Variants in NFKBIZ observed in about 807,000 individuals in gnomAD.
NFKBIZ encodes the protein NFKB inhibitor zeta.
Under a neutral mutation model 76.8 loss-of-function variants are expected in NFKBIZ, and 19 were observed. That is an observed-to-expected ratio of 0.25 (90% CI 0.17 to 0.36). The LOEUF is 0.36. Among genes scored for constraint, NFKBIZ ranks in the 10% least tolerant of loss-of-function variants. The pLI, the probability that NFKBIZ is intolerant of heterozygous loss-of-function variation, is 1.00. For synonymous variants in NFKBIZ, 368 were observed against 354.8 expected (o/e 1.04, Z -0.42); for missense variants, 829 against 910.9 (o/e 0.91, Z 1.16).
At chr3:101,832,227 A>G (rs995484445) in intron 2 of NFKBIZ, among the ~76,000 whole-genome samples, 20 of 152,142 alleles carry the variant, frequency 1.3e-4, no homozygotes, top group African/African-American at 4.3e-4. Context: ...GTGAGCCACC[A>G]TGCCTGGCTT....
In NFKBIZ at chr3:101,854,575, C is replaced by T. The variant is rs1312984601; in HGVS notation, c.1338-3C>T. ...CACCCGCTTTCCTTTCCATGTTCCC[C>T]AGGTTCCTTCATATTGCTGTTGCCC... On this transcript the variant is annotated splice_polypyrimidine_tract_variant and splice_region_variant and intron_variant, in intron 5 of 11. Transcript: ENST00000326172. 1 of 1,598,982 alleles carries T rather than the reference C, an allele frequency of 6.3e-7. No individual in the cohort carries two copies. Among genetic ancestry groups the T allele is most frequent in the Admixed American group, 1.7e-5 (1 of 59,710 alleles).
chr3:101,839,692 G>A (rs955431643), intron 2 of NFKBIZ, among the ~76,000 whole-genome samples: 1 of 152,086 alleles, frequency 6.6e-6, no homozygotes, highest in Admixed American at 6.5e-5. Context: ...AGGGTCTTTC[G>A]TCAAAAATTT....
chr3:101,842,557 TTTTTTC>T lies in NFKBIZ; in HGVS notation c.-11-9516_-11-9511del, dbSNP rs1942797984. Among the ~76,000 whole-genome samples, 5 of 152,180 alleles carry T rather than the reference TTTTTTC, an allele frequency of 3.3e-5. 1 individual carries two copies. Among genetic ancestry groups the T allele is most frequent in the Admixed American group, 3.3e-4 (5 of 15,288 alleles). ...AACATTATGAGATTCTTTTGTGATG[TTTTTTC>T]TTTTTCTTTTTTCATTTTCTTTTCT... On this transcript the variant is annotated intron_variant, in intron 2 of 12. Coordinates refer to the NFKBIZ transcript ENST00000394054.
At chr3:101,838,953 A>G (rs1052427530) in intron 2 of NFKBIZ, among the ~76,000 whole-genome samples, 6 of 152,166 alleles carry the variant, frequency 3.9e-5, no homozygotes, top group Non-Finnish European at 7.4e-5. Flanking sequence ...TGTGTATATA[A>G]AGTACATAGT....
chr3:101,853,318 T>G lies in NFKBIZ; in HGVS notation c.792T>G (p.Ser264=), dbSNP rs1942998922. ...CQDFHGGQVF[S]PPQKCQPFQV... ...ACTTCCATGGAGGGCAGGTCTTTTC[T>G]CCACCTCAGAAATGCCAACCATTCC... Residue 264 remains serine (S), a synonymous_variant, in exon 5 of 12, where the codon TCT becomes TCG. Coordinates refer to ENST00000326172, the MANE Select transcript of NFKBIZ (RefSeq NM_031419.4). 1 of 1,613,980 alleles carries G rather than the reference T, an allele frequency of 6.2e-7. No homozygotes were observed. The highest frequency in any genetic ancestry group is 8.5e-7 in the Non-Finnish European group (1 of 1,180,030).
rs114460609 is a variant in NFKBIZ, at chr3:101,856,351, A to G, written c.1824+449A>G. ...AGGCGTGAGCCACCGCGCCCGGCCA[A>G]GAAGCCCAGATTTTAACAGATCATT... On this transcript the variant is annotated intron_variant, in intron 9 of 11. Transcript: ENST00000326172. Among the ~76,000 whole-genome samples the G allele has an allele frequency of 3.5e-3, 528 of 152,352 alleles. 4 individuals are homozygous for G. Among genetic ancestry groups the G allele is most frequent in the African/African-American group, 0.012 (507 of 41,590 alleles).
At chr3:101,846,752 T>C (rs577625556), upstream of NFKBIZ, among the ~76,000 whole-genome samples, 1 of 152,358 alleles carries the variant, frequency 6.6e-6, no homozygotes, top group South Asian at 2.1e-4. Context: ...CTCTAATGTA[T>C]TAGGGTTCTC....
intron 2 of NFKBIZ, among the ~76,000 whole-genome samples, chr3:101,829,932 T>G (rs1158041878): frequency 6.6e-6 from 1 of 151,972 alleles, no homozygotes; most frequent in Non-Finnish European, 1.5e-5. Context: ...ACCAATTTGT[T>G]GAATTTCTGC....
In NFKBIZ at chr3:101,854,651, C is replaced by A; in HGVS notation, c.1411C>A (p.His471Asn). 1 of 1,613,852 alleles carries A rather than the reference C, an allele frequency of 6.2e-7. No individual in the cohort carries two copies. The highest frequency in any genetic ancestry group is 8.5e-7 in the Non-Finnish European group (1 of 1,179,866). ...TCTTGCAAGAAAGATGAATGCACTT[C>A]ACATGCTGGATATTAAAGAGCACAA... Reference protein sequence around the residue: ...YVLARKMNALHMLDIKEHNGQ... With the variant: ...YVLARKMNALNMLDIKEHNGQ... The change falls in exon 6 of 12, where the codon CAC (histidine) becomes AAC (asparagine). Residue 471 changes from histidine (H) to asparagine (N), a missense_variant. This residue lies in a region of NFKBIZ where 272 missense variants were observed against 384.2 expected (regional missense o/e 0.71). Coordinates refer to ENST00000326172, the MANE Select transcript of NFKBIZ (RefSeq NM_031419.4).
At chr3:101,848,764 T>C (rs1560085989), upstream of NFKBIZ, 1 of 152,258 alleles carries the variant, frequency 6.6e-6, no homozygotes, top group African/African-American at 2.4e-5. Context: ...TTTGCTAAGA[T>C]GGCTTTGTTC....
intron 8 of NFKBIZ, 33 bp from the exon 9 acceptor site, chr3:101,855,700 C>T (rs758265297): frequency 1.7e-5 from 26 of 1,557,410 alleles, no homozygotes; most frequent in Non-Finnish European, 2.1e-5. Context: ...TGATGGGATG[C>T]TTGACCACTG....
In NFKBIZ at chr3:101,853,486, C is replaced by A. The variant is rs368611410; in HGVS notation, c.960C>A (p.Pro320=). 3 of 1,614,248 alleles carry A rather than the reference C, an allele frequency of 1.9e-6. No individual in the cohort carries two copies. Among genetic ancestry groups the A allele is most frequent in the South Asian group, 1.1e-5 (1 of 91,086 alleles). Residue 320 remains proline (P), a synonymous_variant, in exon 5 of 12, where the codon CCC becomes CCA. Coordinates refer to ENST00000326172, the MANE Select transcript of NFKBIZ (RefSeq NM_031419.4). ...CTTTTCCCATACCTCCCCAGTCCCC[C>A]GCTTATGAACCAAACCTCTTTGATG... is the stretch of plus-strand genomic sequence containing the variant. The part of the protein sequence containing the change: ...YSPFPIPPQS[P]AYEPNLFDGP...
upstream of NFKBIZ, among the ~76,000 whole-genome samples, chr3:101,848,535 C>T (rs1942886081): frequency 1.3e-5 from 2 of 152,154 alleles, no homozygotes; most frequent in African/African-American, 2.4e-5. Context: ...TAATCATAAT[C>T]GGTTTATTTA....
chr3:101,853,093 A>G lies in NFKBIZ; in HGVS notation c.567A>G (p.Thr189=). The G allele has an allele frequency of 1.2e-6, 2 of 1,612,632 alleles. No homozygotes were observed. Among genetic ancestry groups the G allele is most frequent in the South Asian group, 1.1e-5 (1 of 91,054 alleles). Residue 189 remains threonine (T), a splice_region_variant and synonymous_variant, in exon 5 of 12, where the codon ACA becomes ACG. Transcript: ENST00000326172. ...RPALLHSQFL[T]PPQTPTPGES... is the part of the protein sequence containing the mutation. The stretch of plus-strand genomic sequence containing the variant: ...AGTTGCATTTTCCTTCTTTCCAGAC[A>G]CCACCTCAAACACCAACGCCCGGGG...
chr3:101,837,665 G>A (rs1309682483), intron 2 of NFKBIZ, among the ~76,000 whole-genome samples: 1 of 152,224 alleles, frequency 6.6e-6, no homozygotes, highest in African/African-American at 2.4e-5. Flanking sequence ...AAACGAAAGG[G>A]TGTCTTTGTT....
intron 8 of NFKBIZ, 45 bp downstream of exon 8, chr3:101,855,503 A>AC (rs1943036419): frequency 6.5e-7 from 1 of 1,545,824 alleles, no homozygotes; most frequent in Non-Finnish European, 8.9e-7. Flanking sequence ...CTTAGGGGGA[A>AC]CCATAAGGTC....
upstream of NFKBIZ, among the ~76,000 whole-genome samples, chr3:101,848,021 G>A (rs769760061): frequency 2.0e-4 from 31 of 152,168 alleles, no homozygotes; most frequent in Non-Finnish European, 3.1e-4. Flanking sequence ...TTCTGCCCTA[G>A]CAATGCTGCC....
chr3:101,858,667 G>C (rs758920362), intron 11 of NFKBIZ, among the ~76,000 whole-genome samples: 49 of 152,166 alleles, frequency 3.2e-4, no homozygotes, highest in Non-Finnish European at 5.6e-4. Flanking sequence ...GCAGCTATCA[G>C]TTGTATCCCC....
Position 101,852,069 on chromosome 3 carries a change from G to C in NFKBIZ, c.290-16G>C. 1 of 1,605,262 alleles carries C rather than the reference G, an allele frequency of 6.2e-7. No individual in the cohort carries two copies. Among genetic ancestry groups the C allele is most frequent in the Non-Finnish European group, 8.5e-7 (1 of 1,177,686 alleles). On this transcript the variant is annotated splice_polypyrimidine_tract_variant and intron_variant, in intron 1 of 11. Coordinates refer to ENST00000326172, the MANE Select transcript of NFKBIZ (RefSeq NM_031419.4). ...AGATATTTAACCAGGAATATGTTTT[G>C]TTTTCTTTTGAACAGTTGAGCCCCA...
Sources: gnomAD v4.1 joint callset for allele counts (sites outside exome capture counted in the v4.1 genomes callset) on GRCh38, gnomAD v4.1.1 for gene constraint, gnomAD v4.1.1 regional missense constraint, MANE v1.5 for transcripts, NCBI Gene and HGNC (gene_info 2026-07-23, HGNC 2026-07-21) for gene names.